Variants in EPHA4 observed in about 807,000 individuals in gnomAD.
EPHA4 encodes ephrin type-A receptor 4.
Under a neutral mutation model 108.3 loss-of-function variants are expected in EPHA4, and 19 were observed. The ratio of observed to expected loss-of-function variants is 0.18; its 90% CI spans 0.12 to 0.26. The LOEUF is 0.26. EPHA4 is among the 10% of genes least tolerant of loss of function. The probability of loss-of-function intolerance (pLI) is 1.00; values close to 1 mark genes in which losing one functional copy is unlikely to be tolerated. For missense variants in EPHA4, 917 were observed against 1,254.0 expected (o/e 0.73, Z 4.06); for synonymous variants, 449 against 455.5 (o/e 0.99, Z 0.18).
intron 3 of EPHA4, among the ~76,000 whole-genome samples, chr2:221,560,856 G>A (rs1694440657): frequency 6.6e-6 from 1 of 152,176 alleles, no homozygotes; most frequent in Non-Finnish European, 1.5e-5. Flanking sequence ...CACTGTGCCT[G>A]GGTGCTACTC....
At chr2:221,511,743 A>G (rs1269435662) in intron 3 of EPHA4, among the ~76,000 whole-genome samples, 1 of 152,242 alleles carries the variant, frequency 6.6e-6, no homozygotes, top group Non-Finnish European at 1.5e-5. Flanking sequence ...CAATTTGATA[A>G]GAGATGACAA....
intron 3 of EPHA4, among the ~76,000 whole-genome samples, chr2:221,547,318 A>C (rs1249608090): frequency 2.0e-5 from 3 of 152,210 alleles, no homozygotes; most frequent in African/African-American, 7.2e-5. Flanking sequence ...AAATCTCTCT[A>C]GATTTATTAC....
chr2:221,570,661 T>A (rs1462094370), intron 1 of EPHA4, among the ~76,000 whole-genome samples: 1 of 150,572 alleles, frequency 6.6e-6, no homozygotes, highest in Non-Finnish European at 1.5e-5. Flanking sequence ...AAGGCTAAGT[T>A]GGTTTTTGGC....
intron 3 of EPHA4, among the ~76,000 whole-genome samples, chr2:221,511,192 G>A (rs1276415788): frequency 6.6e-6 from 1 of 151,516 alleles, no homozygotes; most frequent in Non-Finnish European, 1.5e-5. Flanking sequence ...CTTTTACTTA[G>A]TTTGATCATT....
intron 5 of EPHA4, among the ~76,000 whole-genome samples, chr2:221,461,507 A>G (rs1691142706): frequency 6.6e-6 from 1 of 152,130 alleles, no homozygotes; most frequent in African/African-American, 2.4e-5. Flanking sequence ...AAAAAGACCA[A>G]GTGGAAAAAA....
chr2:221,507,422 C>T (rs1176234418), intron 3 of EPHA4, among the ~76,000 whole-genome samples: 2 of 152,086 alleles, frequency 1.3e-5, no homozygotes, highest in African/African-American at 2.4e-5. Flanking sequence ...ATTGTGGGGA[C>T]AATTTCTTTG....
At chr2:221,509,061 G>A (rs1416780099) in intron 3 of EPHA4, among the ~76,000 whole-genome samples, 1 of 152,168 alleles carries the variant, frequency 6.6e-6, no homozygotes, top group Non-Finnish European at 1.5e-5. Context: ...GGGCCCAGTG[G>A]CTCACACCTG....
chr2:221,505,470 C>T (rs548890936), intron 3 of EPHA4, among the ~76,000 whole-genome samples: 1 of 152,018 alleles, frequency 6.6e-6, no homozygotes, highest in African/African-American at 2.4e-5. Context: ...GGATTACAGG[C>T]GCCTGCCACT....
Position 221,481,314 on chromosome 2 carries a change from GCCGCCCCACCCT to G in EPHA4, c.1318+1026_1318+1037del, listed in dbSNP as rs578056189. Reference sequence around the variant, plus strand: ...GTGATGTAGGAATTGGAGGAGACTGGCCGCCCCACCCTCCGCCCCACCCTCCCAGCCCCCACG... The same window carrying G: ...GTGATGTAGGAATTGGAGGAGACTGGCCGCCCCACCCTCCCAGCCCCCACG... On this transcript the variant is annotated intron_variant, in intron 5 of 17. Transcript: ENST00000281821. Among the ~76,000 whole-genome samples, 48 of 152,042 alleles carry G rather than the reference GCCGCCCCACCCT, an allele frequency of 3.2e-4. 1 individual carries two copies. Among genetic ancestry groups the G allele is most frequent in the African/African-American group, 9.4e-4 (39 of 41,488 alleles).
intron 8 of EPHA4, among the ~76,000 whole-genome samples, chr2:221,447,619 A>T (rs3770186): frequency 0.35 from 52,656 of 151,780 alleles, 10,910 homozygotes; most frequent in African/African-American, 0.59. Flanking sequence ...CAAATAATAA[A>T]ACCTTGCACT....
intron 5 of EPHA4, among the ~76,000 whole-genome samples, chr2:221,466,418 A>C (rs1691315496): frequency 6.6e-6 from 1 of 152,212 alleles, no homozygotes; most frequent in South Asian, 2.1e-4. Context: ...TTGCACATAC[A>C]CGCACACCTG....
chr2:221,527,190 T>C (rs1209462268), intron 3 of EPHA4, among the ~76,000 whole-genome samples: 1 of 152,154 alleles, frequency 6.6e-6, no homozygotes, highest in Non-Finnish European at 1.5e-5. Flanking sequence ...ACTAGAACGT[T>C]GTGGAAATTG....
chr2:221,488,074 G>T (rs1422596657), intron 4 of EPHA4, among the ~76,000 whole-genome samples: 4 of 152,020 alleles, frequency 2.6e-5, no homozygotes, highest in East Asian at 1.9e-4. Flanking sequence ...TCTGCTCCCT[G>T]CAGCAACTAC....
intron 15 of EPHA4, among the ~76,000 whole-genome samples, chr2:221,429,587 T>G (rs1263868547): frequency 6.6e-6 from 1 of 152,214 alleles, no homozygotes; most frequent in Admixed American, 6.5e-5. Flanking sequence ...TTTCTTACTA[T>G]TCCAGTGTTC....
chr2:221,568,100 A>G (rs948445720), intron 2 of EPHA4, among the ~76,000 whole-genome samples: 1 of 152,234 alleles, frequency 6.6e-6, no homozygotes, highest in African/African-American at 2.4e-5. Context: ...TATAATCCAG[A>G]CTACTCAATC....
chr2:221,428,945 T>C (rs1689992306), intron 15 of EPHA4, among the ~76,000 whole-genome samples: 1 of 152,178 alleles, frequency 6.6e-6, no homozygotes, highest in Non-Finnish European at 1.5e-5. Flanking sequence ...GAATCTTTAG[T>C]CCAAGTTTTC....
intron 3 of EPHA4, among the ~76,000 whole-genome samples, chr2:221,556,024 A>T (rs1694292391): frequency 6.6e-6 from 1 of 152,226 alleles, no homozygotes; most frequent in African/African-American, 2.4e-5. Flanking sequence ...GTGATGGACT[A>T]GGTGCAGTAG....
rs1692710703 is a variant in EPHA4 at position 221,508,681 on chromosome 2, T to C, written c.824-7509A>G. 2.0e-5 allele frequency among the ~76,000 whole-genome samples: 3 copies of C among 152,102 alleles called. No homozygotes were observed. The South Asian group carries it at 6.2e-4, about 32-fold the overall frequency. On this transcript the variant is annotated intron_variant, in intron 3 of 17. Transcript: ENST00000281821. Reference sequence around the variant, plus strand: ...CTCAAACCAGTATGAATGTGCCCTGTATTGCCCCCCAAATTATGGGACAGA... The same window carrying C: ...CTCAAACCAGTATGAATGTGCCCTGCATTGCCCCCCAAATTATGGGACAGA...
intron 3 of EPHA4, among the ~76,000 whole-genome samples, chr2:221,505,554 G>A (rs890244984): frequency 6.6e-6 from 1 of 152,082 alleles, no homozygotes; most frequent in African/African-American, 2.4e-5. Context: ...TTGAACTCCT[G>A]ACCTCGTGAT....
Sources: gnomAD v4.1 joint callset for allele counts (sites outside exome capture counted in the v4.1 genomes callset) on GRCh38, gnomAD v4.1.1 for gene constraint, MANE v1.5 for transcripts, NCBI Gene and HGNC (gene_info 2026-07-23, HGNC 2026-07-21) for gene names.